PBX1: variants seen among roughly 807,000 people sequenced by gnomAD.
PBX1 encodes the protein pre-B-cell leukemia transcription factor 1.
A neutral mutation model predicts 53.4 loss-of-function variants in PBX1; 6 were observed. The observed-to-expected ratio is 0.11, with a 90% confidence interval of 0.06 to 0.22. The LOEUF is 0.22. Among genes scored for constraint, PBX1 ranks in the 10% least tolerant of loss-of-function variants. PBX1 has a pLI of 1.00. For synonymous variants in PBX1, 204 were observed against 212.3 expected (o/e 0.96, Z 0.34); for missense variants, 251 against 551.4 (o/e 0.46, Z 5.46).
intron 2 of PBX1, among the ~76,000 whole-genome samples, chr1:164,597,456 A>T (rs1226981925): frequency 6.6e-6 from 1 of 152,200 alleles, no homozygotes; most frequent in Non-Finnish European, 1.5e-5. Flanking sequence ...GAATAATGGT[A>T]TTGAAATGGA....
At chr1:164,840,027 G>A (rs988151252) in intron 8 of PBX1, among the ~76,000 whole-genome samples, 5 of 152,100 alleles carry the variant, frequency 3.3e-5, no homozygotes, top group African/African-American at 1.2e-4. Flanking sequence ...GTAGTAGTTG[G>A]TGAGCTGAGG....
intron 2 of PBX1, among the ~76,000 whole-genome samples, chr1:164,743,239 C>G (rs1031326015): frequency 1.9e-4 from 29 of 152,066 alleles, no homozygotes; most frequent in African/African-American, 6.5e-4. Flanking sequence ...GCTAATGACT[C>G]TATTGGCCTG....
Position 164,706,714 on chromosome 1 carries a change from C to T in PBX1, c.266-85780C>T, listed in dbSNP as rs1663445648. Among the ~76,000 whole-genome samples, 3 of 152,150 alleles carry T rather than the reference C, an allele frequency of 2.0e-5. No homozygotes were observed. In the South Asian group the frequency reaches 6.2e-4, roughly 32 times the overall value. ...ATAACACAGTCTCTAATTTAAGTAA[C>T]AGTGAGAACCAGGAAGATTTAAACA... On this transcript the variant is annotated intron_variant, in intron 2 of 8. Coordinates refer to ENST00000420696, the MANE Select transcript of PBX1 (RefSeq NM_002585.4).
chr1:164,792,690 C>T lies in PBX1; in HGVS notation c.462C>T (p.Leu154=), dbSNP rs1558010879. The T allele has an allele frequency of 1.9e-6, 3 of 1,613,724 alleles. No individual in the cohort carries two copies. The part of the protein sequence containing the change: ...SVEHSDYRAK[L]SQIRQIYHTE... ...AGCATTCAGATTACAGAGCCAAACT[C>T]TCACAGATCAGACAAATCTACCATA... is the stretch of plus-strand genomic sequence containing the variant. Residue 154 remains leucine, a synonymous_variant, in exon 3 of 9, where the codon CTC becomes CTT. Coordinates refer to ENST00000420696, the MANE Select transcript of PBX1 (RefSeq NM_002585.4).
At chr1:164,717,196 C>CAT (rs1398706747) in intron 2 of PBX1, among the ~76,000 whole-genome samples, 1 of 152,122 alleles carries the variant, frequency 6.6e-6, no homozygotes, top group Admixed American at 6.6e-5. Flanking sequence ...CTGAGGGTGA[C>CAT]TAATATGTTC....
intron 2 of PBX1, among the ~76,000 whole-genome samples, chr1:164,644,750 G>T (rs1659352750): frequency 6.6e-6 from 1 of 152,084 alleles, no homozygotes; most frequent in Admixed American, 6.5e-5. Flanking sequence ...GAACTTTGGG[G>T]ACTCCAGACT....
intron 2 of PBX1, among the ~76,000 whole-genome samples, chr1:164,571,873 GTATATATATATATATATATATATATA>G (rs59338120): frequency 9.0e-4 from 27 of 29,900 alleles, no homozygotes; most frequent in South Asian, 2.1e-3. Flanking sequence ...TCTGTACATT[GTATATATATATATATATATATATATA>G]TATATATATA....
intron 2 of PBX1, among the ~76,000 whole-genome samples, chr1:164,785,404 A>G (rs1056698333): frequency 1.3e-5 from 2 of 152,198 alleles, no homozygotes; most frequent in African/African-American, 2.4e-5. Flanking sequence ...TTTGGTTGAG[A>G]AGAATCAAAT....
chr1:164,874,432 G>A (rs907180759), intron 2 of PBX1, among the ~76,000 whole-genome samples: 1 of 152,130 alleles, frequency 6.6e-6, no homozygotes, highest in South Asian at 2.1e-4. Context: ...ATAATATTAA[G>A]TATAGATTTT....
chr1:164,752,206 T>TTGTGTGTGTGTG (rs10629820), intron 2 of PBX1, among the ~76,000 whole-genome samples: 11 of 143,124 alleles, frequency 7.7e-5, no homozygotes, highest in Non-Finnish European at 1.2e-4. Flanking sequence ...CTTTAAGGTT[T>TTGTGTGTGTGTG]TGTGTGTGTG....
At position 164,593,209 on chromosome 1, in the gene PBX1, C is replaced by T. The variant is rs559903332; in HGVS notation, c.265+29898C>T. 1.1e-4 allele frequency among the ~76,000 whole-genome samples: 16 copies of T among 152,254 alleles called. No homozygotes were observed. In the East Asian group the frequency reaches 1.9e-3, roughly 18 times the overall value. On this transcript the variant is annotated intron_variant, in intron 2 of 8. Transcript: ENST00000420696. Reference sequence around the variant, plus strand: ...CTGGGCTCAAGTGATCTGCCTGCCTCGGCCTTGCAAAGTGCGGGAATAACA... The same window carrying T: ...CTGGGCTCAAGTGATCTGCCTGCCTTGGCCTTGCAAAGTGCGGGAATAACA...
chr1:164,678,735 A>G (rs551434683), intron 2 of PBX1, among the ~76,000 whole-genome samples: 47 of 152,360 alleles, frequency 3.1e-4, no homozygotes, highest in Non-Finnish European at 5.3e-4. Context: ...ATAGATTGTT[A>G]CTATCAACAC....
chr1:164,668,161 GC>G (rs1415853988), intron 2 of PBX1, among the ~76,000 whole-genome samples: 1 of 152,106 alleles, frequency 6.6e-6, no homozygotes, highest in Non-Finnish European at 1.5e-5. Context: ...CAACAGTCAG[GC>G]CTTGGCTACA....
chr1:164,584,748 C>T (rs1654839418), intron 2 of PBX1, among the ~76,000 whole-genome samples: 1 of 152,122 alleles, frequency 6.6e-6, no homozygotes, highest in African/African-American at 2.4e-5. Flanking sequence ...GCTGGCTGGA[C>T]ACAACCTTCC....
At chr1:164,814,904 T>A (rs1417143815) in intron 6 of PBX1, 2 of 146,166 alleles carry the variant, frequency 1.4e-5, no homozygotes, top group Non-Finnish European at 3.0e-5. Context: ...TTAAGCATAA[T>A]TTTTTTTTTA....
intron 2 of PBX1, among the ~76,000 whole-genome samples, chr1:164,686,153 G>T (rs1221085040): frequency 1.3e-5 from 2 of 152,206 alleles, no homozygotes; most frequent in Non-Finnish European, 2.9e-5. Flanking sequence ...GGGGATATGT[G>T]TAAAGGCCTA....
intron 2 of PBX1, among the ~76,000 whole-genome samples, chr1:164,865,667 G>C (rs2102447590): frequency 6.6e-6 from 1 of 152,332 alleles, no homozygotes; most frequent in Non-Finnish European, 1.5e-5. Flanking sequence ...AAGATACAAA[G>C]CAGAGGAGCC....
intron 8 of PBX1, among the ~76,000 whole-genome samples, chr1:164,845,516 C>T (rs1218973696): frequency 6.6e-6 from 1 of 152,112 alleles, no homozygotes; most frequent in African/African-American, 2.4e-5. Context: ...ACACAGTAAT[C>T]GAAGGGGGGA....
chr1:164,726,810 GA>G (rs1457890067), intron 2 of PBX1, among the ~76,000 whole-genome samples: 2 of 152,154 alleles, frequency 1.3e-5, no homozygotes, highest in Non-Finnish European at 2.9e-5. Flanking sequence ...AGGGGATCTA[GA>G]GGCCCGTCTG....
Sources: gnomAD v4.1 joint callset for allele counts (sites outside exome capture counted in the v4.1 genomes callset) on GRCh38, gnomAD v4.1.1 for gene constraint, MANE v1.5 for transcripts, NCBI Gene and HGNC (gene_info 2026-07-23, HGNC 2026-07-21) for gene names.